The following STPG2 variants were observed in gnomAD, a reference collection of about 807,000 sequenced individuals.
STPG2 encodes the protein sperm-tail PG-rich repeat-containing protein 2.
Under a neutral mutation model 54.2 loss-of-function variants are expected in STPG2, and 56 were observed. The observed-to-expected ratio is 1.03, with a 90% CI of 0.83 to 1.29. The LOEUF is 1.29. Ranked by LOEUF, STPG2 falls within the 50% of genes most tolerant of loss-of-function variation. The pLI, the probability that STPG2 is intolerant of heterozygous loss-of-function variation, is 0.00. For synonymous variants in STPG2, 200 were observed against 181.8 expected, an observed-to-expected ratio of 1.10 and a Z score of -0.81; for missense variants, 596 against 544.9, an observed-to-expected ratio of 1.09 and a Z score of -0.93.
chr4:97,619,954 G>C (rs1578429510), intron 10 of STPG2, among the ~76,000 whole-genome samples: 1 of 151,672 alleles, frequency 6.6e-6, no homozygotes, highest in African/African-American at 2.4e-5. Context: ...TTCCCGAGTA[G>C]CTGGGACTAC....
chr4:98,056,822 A>G (rs914335984), intron 5 of STPG2, among the ~76,000 whole-genome samples: 1 of 151,938 alleles, frequency 6.6e-6, no homozygotes, highest in Non-Finnish European at 1.5e-5. Flanking sequence ...TGGTTGTTTA[A>G]AAGTGTGTAG....
chr4:98,098,504 C>T (rs1460508884), intron 5 of STPG2, among the ~76,000 whole-genome samples: 1 of 152,044 alleles, frequency 6.6e-6, no homozygotes, highest in East Asian at 1.9e-4. Flanking sequence ...TCTATGACTC[C>T]AAAGTATGAA....
chr4:97,646,589 C>T (rs758398589), intron 10 of STPG2, among the ~76,000 whole-genome samples: 24 of 152,222 alleles, frequency 1.6e-4, no homozygotes, highest in South Asian at 4.1e-4. Context: ...CATTTTCTAA[C>T]TCCCCACCCT....
chr4:97,667,542 A>AT (rs1171629367), intron 10 of STPG2, among the ~76,000 whole-genome samples: 1 of 152,146 alleles, frequency 6.6e-6, no homozygotes, highest in Non-Finnish European at 1.5e-5. Context: ...CAAATTTTGT[A>AT]TTTTTACCTG....
intron 8 of STPG2, among the ~76,000 whole-genome samples, chr4:97,902,216 G>A (rs1578670714): frequency 2.0e-5 from 3 of 152,102 alleles, no homozygotes; most frequent in Middle Eastern, 6.8e-3. Context: ...AAAACAGAGG[G>A]GGAAAGCTCT....
intron 10 of STPG2, among the ~76,000 whole-genome samples, chr4:97,694,646 A>AC (rs1407802404): frequency 5.4e-5 from 8 of 148,136 alleles, no homozygotes; most frequent in African/African-American, 1.7e-4. Flanking sequence ...GTCTCTATTA[A>AC]AAAAAAAATA....
intron 9 of STPG2, among the ~76,000 whole-genome samples, chr4:97,786,244 T>C (rs1371454978): frequency 2.0e-5 from 3 of 152,098 alleles, no homozygotes; most frequent in African/African-American, 7.2e-5. Flanking sequence ...TTGCTTTGAA[T>C]TTAGAATAGA....
intron 5 of STPG2, among the ~76,000 whole-genome samples, chr4:98,016,796 C>A (rs1282903114): frequency 6.6e-6 from 1 of 152,044 alleles, no homozygotes; most frequent in Non-Finnish European, 1.5e-5. Flanking sequence ...TTATTTTATT[C>A]TTTTAGTGGT....
At chr4:97,941,339 C>T (rs548954514) in intron 8 of STPG2, among the ~76,000 whole-genome samples, 1 of 152,218 alleles carries the variant, frequency 6.6e-6, no homozygotes, top group East Asian at 1.9e-4. Flanking sequence ...TTAAGCTCCT[C>T]AAATCAGTAA....
rs1256810110 is a variant in STPG2, at chr4:97,597,015, C to A, written c.1321-37898G>T. Among the ~76,000 whole-genome samples the A allele has an allele frequency of 4.6e-5, 7 of 151,788 alleles. No individual in the cohort carries two copies. The East Asian group carries it at 1.4e-3, about 29-fold the overall frequency. On this transcript the variant is annotated intron_variant, in intron 10 of 10. Coordinates refer to ENST00000295268, the MANE Select transcript of STPG2 (RefSeq NM_174952.3). ...AAGAATAAATAAAATGGACAGATGC[C>A]CAGCTAGACTAAGAGAAAAACAGAG...
downstream of STPG2, among the ~76,000 whole-genome samples, chr4:97,556,770 C>A (rs371492629): frequency 2.0e-5 from 3 of 152,086 alleles, no homozygotes; most frequent in East Asian, 5.8e-4. Context: ...AATTAAAAGT[C>A]TCTCCTTGTC....
At chr4:97,608,881 T>C (rs1438218802) in intron 10 of STPG2, among the ~76,000 whole-genome samples, 1 of 152,088 alleles carries the variant, frequency 6.6e-6, no homozygotes, top group Admixed American at 6.6e-5. Flanking sequence ...GTCGCTCTCA[T>C]GAATTTCAGT....
intron 5 of STPG2, among the ~76,000 whole-genome samples, chr4:98,000,171 T>A (rs1735371412): frequency 6.6e-6 from 1 of 152,168 alleles, no homozygotes; most frequent in Non-Finnish European, 1.5e-5. Flanking sequence ...ATCAGACTGA[T>A]AACTATTCCA....
intron 2 of STPG2, among the ~76,000 whole-genome samples, chr4:98,130,766 C>T (rs1285025615): frequency 6.6e-6 from 1 of 151,454 alleles, no homozygotes; most frequent in Non-Finnish European, 1.5e-5. Flanking sequence ...ACTAAAAATA[C>T]AAAAAGTTAG....
chr4:98,102,623 A>G (rs1287106940), intron 5 of STPG2, among the ~76,000 whole-genome samples: 1 of 151,910 alleles, frequency 6.6e-6, no homozygotes, highest in African/African-American at 2.4e-5. Flanking sequence ...AGTTCAATGC[A>G]TTTCTGTAGC....
At chr4:98,060,721 T>C (rs936246067) in intron 5 of STPG2, among the ~76,000 whole-genome samples, 2 of 152,186 alleles carry the variant, frequency 1.3e-5, no homozygotes, top group African/African-American at 2.4e-5. Flanking sequence ...AACAGGCACA[T>C]AGACCAATGG....
At chr4:98,017,764 G>A (rs1026953453) in intron 5 of STPG2, among the ~76,000 whole-genome samples, 2 of 152,152 alleles carry the variant, frequency 1.3e-5, no homozygotes, top group African/African-American at 2.4e-5. Context: ...GGACCTGGTG[G>A]GAGGAGACTG....
intron 9 of STPG2, among the ~76,000 whole-genome samples, chr4:97,825,759 G>T (rs1728233021): frequency 6.6e-6 from 1 of 151,868 alleles, no homozygotes; most frequent in African/African-American, 2.4e-5. Context: ...TTGATTCATT[G>T]GTTTAAAATT....
intron 5 of STPG2, among the ~76,000 whole-genome samples, chr4:98,021,399 T>G (rs1736184518): frequency 6.6e-6 from 1 of 150,426 alleles, no homozygotes; most frequent in East Asian, 1.9e-4. Context: ...CGTTATAATT[T>G]CTGTTCTTTT....
Sources: gnomAD v4.1 joint callset for allele counts (sites outside exome capture counted in the v4.1 genomes callset) on GRCh38, gnomAD v4.1.1 for gene constraint, MANE v1.5 for transcripts, NCBI Gene and HGNC (gene_info 2026-07-23, HGNC 2026-07-21) for gene names.